The following PHACTR1 variants were observed in gnomAD, a reference collection of about 807,000 sequenced individuals.
PHACTR1 encodes phosphatase and actin regulator 1.
In PHACTR1, 16 loss-of-function variants were observed where a neutral mutation model predicts 69.2. The ratio of observed to expected loss-of-function variants is 0.23; its 90% CI spans 0.16 to 0.35. The LOEUF is 0.35. Ranked by LOEUF, PHACTR1 falls within the 10% of genes least tolerant of loss-of-function variation. The pLI is 1.00. For synonymous variants in PHACTR1, 312 were observed against 284.5 expected, an observed-to-expected ratio of 1.10 and a Z score of -0.97; for missense variants, 510 against 734.7, an observed-to-expected ratio of 0.69 and a Z score of 3.54.
At chr6:13,161,671 C>G (rs868352976) in intron 6 of PHACTR1, among the ~76,000 whole-genome samples, 2 of 152,170 alleles carry the variant, frequency 1.3e-5, no homozygotes, top group African/African-American at 4.8e-5. Context: ...CTTCTGGGTT[C>G]TGGCGCATCT....
At chr6:13,107,068 G>T (rs975336013) in intron 5 of PHACTR1, among the ~76,000 whole-genome samples, 1 of 151,650 alleles carries the variant, frequency 6.6e-6, no homozygotes, top group Non-Finnish European at 1.5e-5. Context: ...ATTATAAAAT[G>T]AGTTAGGAGA....
intron 5 of PHACTR1, among the ~76,000 whole-genome samples, chr6:13,056,094 G>A (rs536348023): frequency 4.6e-5 from 7 of 152,322 alleles, no homozygotes; most frequent in Non-Finnish European, 7.4e-5. Flanking sequence ...GGTGCATGAT[G>A]TAACTAAAGG....
chr6:13,169,426 T>C (rs1395911439), intron 6 of PHACTR1, among the ~76,000 whole-genome samples: 2 of 152,164 alleles, frequency 1.3e-5, no homozygotes, highest in South Asian at 2.1e-4. Context: ...TGTAAATTGA[T>C]GGTATTTCTC....
intron 5 of PHACTR1, among the ~76,000 whole-genome samples, chr6:13,082,050 G>GGGGCCTTT (rs1811475524): frequency 2.0e-5 from 3 of 152,156 alleles, no homozygotes; most frequent in Admixed American, 2.0e-4. Flanking sequence ...TTAAAGGAAA[G>GGGGCCTTT]AACAATTAGG....
At chr6:12,997,779 C>A (rs1797605993) in intron 4 of PHACTR1, among the ~76,000 whole-genome samples, 1 of 151,958 alleles carries the variant, frequency 6.6e-6, no homozygotes, top group Admixed American at 6.6e-5. Flanking sequence ...AAGGTGAAAC[C>A]CCGTCTCTAC....
chr6:12,771,259 A>G (rs556993588), intron 4 of PHACTR1, among the ~76,000 whole-genome samples: 2 of 152,312 alleles, frequency 1.3e-5, no homozygotes, highest in African/African-American at 4.8e-5. Context: ...GATACTCAGG[A>G]CCTAGTAAAC....
intron 4 of PHACTR1, among the ~76,000 whole-genome samples, chr6:12,991,835 T>C (rs1415525981): frequency 6.6e-6 from 1 of 152,126 alleles, no homozygotes; most frequent in Non-Finnish European, 1.5e-5. Context: ...GCTCAAGACC[T>C]CAAATAATGA....
intron 4 of PHACTR1, among the ~76,000 whole-genome samples, chr6:12,820,740 A>G (rs1776111022): frequency 1.3e-5 from 2 of 152,200 alleles, no homozygotes; most frequent in South Asian, 4.1e-4. Context: ...TTAATTTAAA[A>G]CTTGAATTTG....
intron 5 of PHACTR1, among the ~76,000 whole-genome samples, chr6:13,145,819 G>C (rs1823258553): frequency 6.6e-6 from 1 of 152,194 alleles, no homozygotes; most frequent in Admixed American, 6.5e-5. Context: ...TTAAAACTGT[G>C]AGAAAACAAA....
At chr6:12,876,741 G>A (rs1782559692) in intron 4 of PHACTR1, among the ~76,000 whole-genome samples, 1 of 152,184 alleles carries the variant, frequency 6.6e-6, no homozygotes, top group Non-Finnish European at 1.5e-5. Context: ...CAGTAGGATA[G>A]ATATAGATAT....
intron 4 of PHACTR1, among the ~76,000 whole-genome samples, chr6:12,818,623 T>G (rs909152258): frequency 2.6e-5 from 4 of 152,222 alleles, no homozygotes; most frequent in African/African-American, 4.8e-5. Flanking sequence ...GTCTTCCTCA[T>G]GTTCATACAG....
intron 4 of PHACTR1, among the ~76,000 whole-genome samples, chr6:12,944,405 G>T (rs1451826542): frequency 6.6e-6 from 1 of 152,192 alleles, no homozygotes; most frequent in Non-Finnish European, 1.5e-5. Flanking sequence ...GGTTGATTAA[G>T]AAAATCCCTC....
chr6:12,773,597 A>C (rs1769664078), intron 4 of PHACTR1, among the ~76,000 whole-genome samples: 1 of 152,220 alleles, frequency 6.6e-6, no homozygotes, highest in African/African-American at 2.4e-5. Context: ...GAAGGCTGTC[A>C]GTTAATCTCA....
chr6:12,930,549 T>A (rs1402438832), intron 4 of PHACTR1, among the ~76,000 whole-genome samples: 1 of 152,168 alleles, frequency 6.6e-6, no homozygotes, highest in Non-Finnish European at 1.5e-5. Flanking sequence ...AGTCATCGCA[T>A]CTTATCCTAG....
chr6:12,883,560 C>A (rs1783322906), intron 4 of PHACTR1, among the ~76,000 whole-genome samples: 1 of 150,978 alleles, frequency 6.6e-6, no homozygotes, highest in Non-Finnish European at 1.5e-5. Flanking sequence ...AAAAATAAAA[C>A]CACACAGAAG....
At chr6:13,269,308 G>A (rs1463666241) in intron 10 of PHACTR1, among the ~76,000 whole-genome samples, 2 of 152,222 alleles carry the variant, frequency 1.3e-5, no homozygotes, top group African/African-American at 4.8e-5. Context: ...AGAAAGAGCT[G>A]TTAAGATCTT....
At chr6:12,844,816 G>T (rs1779041424) in intron 4 of PHACTR1, among the ~76,000 whole-genome samples, 1 of 152,178 alleles carries the variant, frequency 6.6e-6, no homozygotes, top group African/African-American at 2.4e-5. Flanking sequence ...TGGGAAAGTG[G>T]CTTGGGGAGG....
At chr6:12,936,424 T>G (rs957491882) in intron 4 of PHACTR1, among the ~76,000 whole-genome samples, 3 of 152,222 alleles carry the variant, frequency 2.0e-5, no homozygotes, top group African/African-American at 7.2e-5. Context: ...ACATAAAAGA[T>G]GACAAATGCT....
intron 4 of PHACTR1, among the ~76,000 whole-genome samples, chr6:12,908,152 C>G (rs1785954135): frequency 6.6e-6 from 1 of 152,134 alleles, no homozygotes; most frequent in African/African-American, 2.4e-5. Context: ...TGCCTTCCAT[C>G]CATCAACCAA....
Sources: allele counts gnomAD v4.1 joint callset (sites outside exome capture counted in the v4.1 genomes callset), GRCh38; gene constraint gnomAD v4.1.1; transcripts MANE v1.5; gene names NCBI Gene and HGNC (gene_info 2026-07-23, HGNC 2026-07-21).